The following MTHFD1 variants were observed in gnomAD, a reference collection of about 807,000 sequenced individuals.
MTHFD1 encodes the protein methylenetetrahydrofolate dehydrogenase, cyclohydrolase and formyltetrahydrofolate synthetase 1.
MTHFD1 carries 44 observed loss-of-function variants against 110.3 expected under a neutral mutation model. That is an observed-to-expected ratio of 0.40 (90% CI 0.31 to 0.51). The LOEUF (loss-of-function observed/expected upper bound fraction) is 0.51. Among genes scored for constraint, MTHFD1 ranks in the 20% least tolerant of loss-of-function variants. MTHFD1 has a pLI of 0.60. For missense variants in MTHFD1, 909 were observed against 1,173.1 expected (o/e 0.77, Z 3.29); for synonymous variants, 402 against 428.8 (o/e 0.94, Z 0.77).
In MTHFD1 at chr14:64,442,266, C is replaced by T. The variant is rs755766009; in HGVS notation, c.2000C>T (p.Thr667Met). The stretch of plus-strand genomic sequence containing the variant: ...ACTGTTGCTTTCCTCTTTACAGTGA[C>T]GGAAGCAGGATTTGGAGCAGACATT... Reference protein sequence around the residue: ...KLVGPEGFVVTEAGFGADIGM... With the variant: ...KLVGPEGFVVMEAGFGADIGM... Residue 667 changes from threonine to methionine, a missense_variant, in exon 21 of 28, where the codon ACG (threonine) becomes ATG (methionine). This residue lies in a region of MTHFD1 where 482 missense variants were observed against 646.0 expected (regional missense o/e 0.75). Transcript: ENST00000652337. 4 of 1,614,060 alleles carry T rather than the reference C, an allele frequency of 2.5e-6. No individual in the cohort carries two copies. The highest frequency in any genetic ancestry group is 3.4e-6 in the Non-Finnish European group (4 of 1,180,026).
At chr14:64,421,971 T>C (rs1442457661) in intron 8 of MTHFD1, among the ~76,000 whole-genome samples, 1 of 151,986 alleles carries the variant, frequency 6.6e-6, no homozygotes, top group Non-Finnish European at 1.5e-5. Flanking sequence ...ATATTTCTGC[T>C]TTTGGCATTT....
intron 1 of MTHFD1, among the ~76,000 whole-genome samples, chr14:64,391,170 T>C (rs1035186327): frequency 6.6e-6 from 1 of 152,110 alleles, no homozygotes; most frequent in African/African-American, 2.4e-5. Context: ...TTTCTTTCTT[T>C]CTTTTTATTT....
chr14:64,427,140 G>A (rs2078125069), intron 11 of MTHFD1, among the ~76,000 whole-genome samples, 197 bp from the exon 12 acceptor site: 1 of 151,486 alleles, frequency 6.6e-6, no homozygotes, highest in Non-Finnish European at 1.5e-5. Flanking sequence ...ACTGTAGCCT[G>A]GAACTCCTGG....
chr14:64,427,424 C>T lies in MTHFD1; in HGVS notation c.1215C>T (p.Val405=). The change falls in exon 12 of 28, where the codon GTC becomes GTT. Residue 405 remains valine, a synonymous_variant. Transcript: ENST00000652337. ...TTGGTGCCCATCTCTACCAGAATGT[C>T]TTTGCGTGTGTGCGACAGCCTTCTC... The part of the protein sequence containing the change: ...QALGAHLYQN[V]FACVRQPSQG... 4 of 1,614,196 alleles carry T rather than the reference C, an allele frequency of 2.5e-6. No individual in the cohort carries two copies. The highest frequency in any genetic ancestry group is 3.4e-6 in the Non-Finnish European group (4 of 1,180,018).
chr14:64,426,308 T>G, intron 11 of MTHFD1, 116 bp downstream of exon 11: 4 of 1,182,472 alleles, frequency 3.4e-6, no homozygotes, highest in Non-Finnish European at 5.0e-6. Flanking sequence ...TTTAGCATTT[T>G]CACCCGTATT....
At chr14:64,422,874 C>T (rs889379193) in intron 8 of MTHFD1, 1 of 152,112 alleles carries the variant, frequency 6.6e-6, no homozygotes, top group Admixed American at 6.5e-5. Flanking sequence ...CGAAGCACTG[C>T]ATGTTTAGCA....
At chr14:64,421,685 G>A (rs901802998) in intron 8 of MTHFD1, among the ~76,000 whole-genome samples, 19 of 150,942 alleles carry the variant, frequency 1.3e-4, no homozygotes, top group Non-Finnish European at 2.4e-4. Flanking sequence ...GTGCTGTGGC[G>A]CGATCTCGGC....
chr14:64,433,654 A>G (rs1347322693), intron 15 of MTHFD1, among the ~76,000 whole-genome samples: 1 of 150,732 alleles, frequency 6.6e-6, no homozygotes, highest in African/African-American at 2.5e-5. Flanking sequence ...GGCTCAAGCA[A>G]TCTGCCTACC....
chr14:64,456,642 G>GT (rs1411134725), intron 26 of MTHFD1, among the ~76,000 whole-genome samples: 1 of 152,046 alleles, frequency 6.6e-6, no homozygotes, highest in Non-Finnish European at 1.5e-5. Flanking sequence ...TCATCTTCCG[G>GT]TTTTTCTGCT....
At position 64,458,622 on chromosome 14, in the gene MTHFD1, C is replaced by T. The variant is rs2078512635; in HGVS notation, c.*4+315C>T. 1.2e-5 allele frequency: 5 copies of T among 408,746 alleles called. No individual in the cohort carries two copies. The East Asian group carries it at 2.8e-4, about 23-fold the overall frequency. 25.3% of individuals were successfully genotyped at this position (408,746 alleles called of 1,614,324 possible). ...GGTTAGACTCCCTCTGCTGAAGCCC[C>T]AGGAGGCTTGGGGTTCAGAGTTGAT... On this transcript the variant is annotated intron_variant, in intron 27 of 27. Coordinates refer to ENST00000652337, the MANE Select transcript of MTHFD1 (RefSeq NM_005956.4).
chr14:64,429,808 A>G (rs369897773), intron 12 of MTHFD1, among the ~76,000 whole-genome samples: 21 of 152,304 alleles, frequency 1.4e-4, no homozygotes, highest in East Asian at 1.3e-3. Context: ...GAAAAATTAT[A>G]GTCTTTTTGT....
chr14:64,425,035 A>G lies in MTHFD1; in HGVS notation c.855+104A>G, dbSNP rs61290360. On this transcript the variant is annotated intron_variant, in intron 9 of 27. Coordinates refer to ENST00000652337, the MANE Select transcript of MTHFD1 (RefSeq NM_005956.4). ...GTCAAAAACCTACTCAGAAGTAAAG[A>G]TGTGAATTTATTGAGAAAAAGGGAA... is the stretch of plus-strand genomic sequence containing the variant. 0.031 allele frequency: 43,258 copies of G among 1,391,148 alleles called. 1,319 individuals carry two copies. The highest frequency in any genetic ancestry group is 0.16 in the African/African-American group (10,865 of 69,956). The allele number at this position is 1,391,148 out of a possible 1,614,324, so 86.2% of individuals were successfully genotyped here.
chr14:64,433,146 G>C (rs1596548212), intron 15 of MTHFD1, among the ~76,000 whole-genome samples: 1 of 152,098 alleles, frequency 6.6e-6, no homozygotes, highest in South Asian at 2.1e-4. Flanking sequence ...GTTTAAGACA[G>C]AGTCTCACTC....
intron 8 of MTHFD1, among the ~76,000 whole-genome samples, chr14:64,422,504 A>G (rs1472506829): frequency 6.6e-6 from 1 of 152,176 alleles, no homozygotes; most frequent in African/African-American, 2.4e-5. Flanking sequence ...GGCCAGAGAA[A>G]CACATAAAAG....
chr14:64,405,314 TA>T (rs1227726505), intron 2 of MTHFD1, among the ~76,000 whole-genome samples: 2 of 152,250 alleles, frequency 1.3e-5, no homozygotes, highest in Non-Finnish European at 2.9e-5. Flanking sequence ...CCTTGTTTTT[TA>T]AATTTATTGA....
rs1566559651 is a variant in MTHFD1 at position 64,412,459 on chromosome 14, GTC to G, written c.187-11_187-10del. On this transcript the variant is annotated splice_polypyrimidine_tract_variant and intron_variant, in intron 3 of 27. Coordinates refer to ENST00000652337, the MANE Select transcript of MTHFD1 (RefSeq NM_005956.4). ...GTCTTGCCATTTACCTGCTTTTAATGTCTGTTTTGCAGATTGGGATCAAAGCC... is the reference window on the plus strand; with the variant it reads ...GTCTTGCCATTTACCTGCTTTTAATGTGTTTTGCAGATTGGGATCAAAGCC... The G allele has an allele frequency of 6.2e-7, 1 of 1,606,592 alleles. No homozygotes were observed. Among genetic ancestry groups the G allele is most frequent in the Admixed American group, 1.7e-5 (1 of 59,988 alleles).
intron 17 of MTHFD1, among the ~76,000 whole-genome samples, chr14:64,439,766 C>T (rs1256140): frequency 0.17 from 25,581 of 151,760 alleles, 2,271 homozygotes; most frequent in Middle Eastern, 0.23. Flanking sequence ...TGGTGGCACG[C>T]GCCTGTAATC....
intron 18 of MTHFD1, 27 bp from the exon 19 acceptor site, chr14:64,441,358 T>A (rs763601486): frequency 6.2e-7 from 1 of 1,611,716 alleles, no homozygotes; most frequent in East Asian, 2.2e-5. Flanking sequence ...CTGGTGGGAG[T>A]TGATGCTGCA....
chr14:64,388,354 T>G lies in MTHFD1; in HGVS notation c.-74T>G. On this transcript the variant is annotated 5_prime_UTR_variant, in exon 1 of 28. Coordinates refer to ENST00000652337, the MANE Select transcript of MTHFD1 (RefSeq NM_005956.4). Reference sequence around the variant, plus strand: ...GTCCCTAAGCACGTGGGTTGGGTTGTCCTGCTTGGCTGCGGAGGGAGTGGA... The same window carrying G: ...GTCCCTAAGCACGTGGGTTGGGTTGGCCTGCTTGGCTGCGGAGGGAGTGGA... The G allele has an allele frequency of 6.2e-7, 1 of 1,614,122 alleles. No homozygotes were observed. The highest frequency in any genetic ancestry group is 1.1e-5 in the South Asian group (1 of 91,088).
Sources: gnomAD v4.1 joint callset for allele counts (sites outside exome capture counted in the v4.1 genomes callset) on GRCh38, gnomAD v4.1.1 for gene constraint, gnomAD v4.1.1 regional missense constraint, MANE v1.5 for transcripts, NCBI Gene and HGNC (gene_info 2026-07-23, HGNC 2026-07-21) for gene names.